Variants in TMC1 observed in about 807,000 individuals in gnomAD.
TMC1 encodes transmembrane channel like 1.
A neutral mutation model predicts 105.8 loss-of-function variants in TMC1; 84 were observed. That is an observed-to-expected ratio of 0.79 (90% CI 0.67 to 0.95). TMC1 has a LOEUF of 0.95. TMC1 is among the 40% of genes least tolerant of loss of function. The pLI is 0.00. For synonymous variants in TMC1, 315 were observed against 311.5 expected (o/e 1.01, Z -0.12); for missense variants, 817 against 914.1 (o/e 0.89, Z 1.37).
intron 23 of TMC1, 63 bp from the exon 24 acceptor site, chr9:72,835,888 C>T (rs1829114643): frequency 1.3e-6 from 2 of 1,561,064 alleles, no homozygotes; most frequent in African/African-American, 1.4e-5. Flanking sequence ...TATTTGCCTC[C>T]TGTTCATCTT....
At position 72,697,374 on chromosome 9, in the gene TMC1, T is replaced by C. The variant is rs541931196; in HGVS notation, c.236+2660T>C. On this transcript the variant is annotated intron_variant, in intron 7 of 23. Coordinates refer to ENST00000297784, the MANE Select transcript of TMC1 (RefSeq NM_138691.3). The stretch of plus-strand genomic sequence containing the variant: ...CAAAAGTCCATAATATAGTAAGGGA[T>C]AGGCCACTTAGATACAAATTATTAT... Among the ~76,000 whole-genome samples, 6 of 152,274 alleles carry C rather than the reference T, an allele frequency of 3.9e-5. No individual in the cohort carries two copies. The South Asian group carries it at 1.0e-3, about 26-fold the overall frequency.
rs746021198 is a variant in TMC1 at position 72,593,469 on chromosome 9, GCT to G, written c.-306+15448_-306+15449del. Among the ~76,000 whole-genome samples, 20 of 151,962 alleles carry G rather than the reference GCT, an allele frequency of 1.3e-4. No homozygotes were observed. In the East Asian group the frequency reaches 1.5e-3, roughly 12 times the overall value. On this transcript the variant is annotated intron_variant, in intron 2 of 23. Transcript: ENST00000297784. Reference sequence around the variant, plus strand: ...GCTGGAGCGCAATGGCATGATCTCAGCTCACCACAACCTCCCGGGTTCAAGAA... The same window carrying G: ...GCTGGAGCGCAATGGCATGATCTCAGCACCACAACCTCCCGGGTTCAAGAA...
At chr9:72,761,719 A>G (rs114203933) in intron 12 of TMC1, among the ~76,000 whole-genome samples, 1 of 152,196 alleles carries the variant, frequency 6.6e-6, no homozygotes, top group Non-Finnish European at 1.5e-5. Flanking sequence ...GAATGTTAAT[A>G]AAAAGGAGAT....
At chr9:72,722,240 A>C (rs1211902427) in intron 8 of TMC1, among the ~76,000 whole-genome samples, 3 of 152,198 alleles carry the variant, frequency 2.0e-5, no homozygotes, top group Non-Finnish European at 2.9e-5. Flanking sequence ...GGGTGGATTA[A>C]AATCCAGATT....
chr9:72,816,050 A>G (rs1828782118), intron 18 of TMC1, 93 bp from the exon 19 acceptor site: 1 of 1,058,960 alleles, frequency 9.4e-7, no homozygotes. Flanking sequence ...GAAGGGAAGT[A>G]ATTGAAACCC....
intron 1 of TMC1, among the ~76,000 whole-genome samples, chr9:72,556,197 A>G (rs1358143971): frequency 6.6e-6 from 1 of 150,784 alleles, no homozygotes; most frequent in Non-Finnish European, 1.5e-5. Context: ...GCTCACTGCA[A>G]CCTTCGCCTT....
At chr9:72,539,298 C>T (rs924006295) in intron 1 of TMC1, among the ~76,000 whole-genome samples, 15 of 151,830 alleles carry the variant, frequency 9.9e-5, no homozygotes, top group African/African-American at 2.9e-4. Context: ...CCCAGTTACT[C>T]GGGAGGCTGA....
rs1385095150 is a variant in TMC1 at position 72,743,771 on chromosome 9, T to C, written c.535+1246T>C. On this transcript the variant is annotated intron_variant, in intron 10 of 23. Coordinates refer to ENST00000297784, the MANE Select transcript of TMC1 (RefSeq NM_138691.3). The stretch of plus-strand genomic sequence containing the variant: ...TAGCCAATCAAAAACCTATTTAGTT[T>C]AGTGCTTTAGGCTTAGAATAAGGCA... Among the ~76,000 whole-genome samples the C allele has an allele frequency of 4.6e-5, 7 of 152,246 alleles. No individual in the cohort carries two copies. The East Asian group carries it at 1.3e-3, about 29-fold the overall frequency.
chr9:72,544,941 C>G (rs4493970), intron 1 of TMC1, among the ~76,000 whole-genome samples: 4 of 151,528 alleles, frequency 2.6e-5, no homozygotes, highest in African/African-American at 9.7e-5. Context: ...TTCACCCCCC[C>G]AAGTCTTTCC....
At chr9:72,593,546 C>T (rs975712778) in intron 2 of TMC1, among the ~76,000 whole-genome samples, 2 of 140,464 alleles carry the variant, frequency 1.4e-5, no homozygotes, top group African/African-American at 5.5e-5. Context: ...GCATGCACCA[C>T]CACACCTGGC....
intron 18 of TMC1, among the ~76,000 whole-genome samples, chr9:72,815,214 C>A (rs1828765091): frequency 6.6e-6 from 1 of 152,044 alleles, no homozygotes; most frequent in Non-Finnish European, 1.5e-5. Flanking sequence ...GTTAGGATGC[C>A]TAATGCATCA....
At chr9:72,613,375 C>T (rs1564444934) in intron 2 of TMC1, among the ~76,000 whole-genome samples, 1 of 152,188 alleles carries the variant, frequency 6.6e-6, no homozygotes, top group Non-Finnish European at 1.5e-5. Context: ...ATCCACCTGC[C>T]TCGGCCTTCC....
intron 18 of TMC1, among the ~76,000 whole-genome samples, chr9:72,809,910 A>G (rs1186651422): frequency 6.6e-6 from 1 of 151,896 alleles, no homozygotes; most frequent in Non-Finnish European, 1.5e-5. Flanking sequence ...AGAGAAATCA[A>G]TTGTATGGCC....
chr9:72,754,344 T>G (rs1223583601), intron 11 of TMC1, among the ~76,000 whole-genome samples: 3 of 152,198 alleles, frequency 2.0e-5, no homozygotes. Context: ...TTGGATTTCC[T>G]TGAGTTCTCT....
intron 8 of TMC1, among the ~76,000 whole-genome samples, chr9:72,719,174 C>G (rs568723295): frequency 6.6e-6 from 1 of 152,142 alleles, no homozygotes; most frequent in African/African-American, 2.4e-5. Context: ...TGCCTGTCAC[C>G]GGATTCACAT....
intron 1 of TMC1, among the ~76,000 whole-genome samples, chr9:72,529,484 C>T (rs117136199): frequency 8.2e-4 from 125 of 152,118 alleles, no homozygotes; most frequent in Non-Finnish European, 1.4e-3. Context: ...TAAACCTGCA[C>T]GCATAAAATG....
At chr9:72,591,711 C>G (rs539932553) in intron 2 of TMC1, among the ~76,000 whole-genome samples, 4 of 149,004 alleles carry the variant, frequency 2.7e-5, no homozygotes, top group African/African-American at 1.0e-4. Context: ...GCTGGGACTA[C>G]AGGCATGGAC....
At chr9:72,733,250 T>C (rs1376264899) in intron 8 of TMC1, among the ~76,000 whole-genome samples, 1 of 151,792 alleles carries the variant, frequency 6.6e-6, no homozygotes, top group African/African-American at 2.4e-5. Context: ...CCGAGCTCTC[T>C]ACAGCAGCAC....
intron 12 of TMC1, among the ~76,000 whole-genome samples, chr9:72,765,037 A>C (rs978437351): frequency 1.3e-5 from 2 of 152,186 alleles, no homozygotes; most frequent in Admixed American, 1.3e-4. Flanking sequence ...GTTCTGAATA[A>C]TTTGTTTAAA....
Sources: allele counts gnomAD v4.1 joint callset (sites outside exome capture counted in the v4.1 genomes callset), GRCh38; gene constraint gnomAD v4.1.1; transcripts MANE v1.5; gene names NCBI Gene and HGNC (gene_info 2026-07-23, HGNC 2026-07-21).